PHF14: variants seen among roughly 807,000 people sequenced by gnomAD.
PHF14 encodes PHD finger protein 14.
A neutral mutation model predicts 117.9 loss-of-function variants in PHF14; 55 were observed. The ratio of observed to expected loss-of-function variants is 0.47; its 90% CI spans 0.38 to 0.58. The LOEUF (loss-of-function observed/expected upper bound fraction) is 0.58, where lower values mean the gene tolerates loss of function less well. Among genes scored for constraint, PHF14 ranks in the 20% least tolerant of loss-of-function variants. The pLI, the probability that PHF14 is intolerant of heterozygous loss-of-function variation, is 0.00. For missense variants in PHF14, 978 were observed against 1,122.2 expected (o/e 0.87, Z 1.84); for synonymous variants, 409 against 368.6 (o/e 1.11, Z -1.26).
chr7:10,985,638 G>GTTTTTTTTTTTTTT (rs61250143), intron 3 of PHF14, among the ~76,000 whole-genome samples: 3 of 45,962 alleles, frequency 6.5e-5, no homozygotes, highest in East Asian at 1.5e-3. Flanking sequence ...TTCTCAAACT[G>GTTTTTTTTTTTTTT]TTTTTTTTTT....
intron 16 of PHF14, among the ~76,000 whole-genome samples, chr7:11,100,671 A>G (rs1390728640): frequency 6.6e-6 from 1 of 151,898 alleles, no homozygotes; most frequent in Non-Finnish European, 1.5e-5. Flanking sequence ...ATCTCATTTA[A>G]TCCTCATAAC....
intron 5 of PHF14, among the ~76,000 whole-genome samples, chr7:11,015,882 A>G (rs1783518169): frequency 6.6e-6 from 1 of 151,102 alleles, no homozygotes; most frequent in African/African-American, 2.4e-5. Context: ...TTGGTGATAA[A>G]TTGTGGTGAA....
At chr7:11,005,587 C>G (rs989043772) in intron 4 of PHF14, among the ~76,000 whole-genome samples, 13 of 152,160 alleles carry the variant, frequency 8.5e-5, no homozygotes, top group African/African-American at 3.1e-4. Flanking sequence ...CTTTGTTTCA[C>G]TCATCTGTTA....
At chr7:11,015,706 T>C (rs1219763852) in intron 5 of PHF14, among the ~76,000 whole-genome samples, 1 of 152,084 alleles carries the variant, frequency 6.6e-6, no homozygotes, top group African/African-American at 2.4e-5. Context: ...TAATAAGTGG[T>C]CAGTAAATGT....
chr7:10,978,110 A>G lies in PHF14; in HGVS notation c.112+3165A>G, dbSNP rs559537293. ...AGTTAGGCCATATTGCCAGGAAATA[A>G]TTTAATGAGAAGTGTCAGCCTGAGA... On this transcript the variant is annotated intron_variant, in intron 2 of 17. Transcript: ENST00000634607. 5.9e-5 allele frequency among the ~76,000 whole-genome samples: 9 copies of G among 152,304 alleles called. No homozygotes were observed. In the South Asian group the frequency reaches 1.4e-3, roughly 25 times the overall value.
At chr7:11,161,784 T>C (rs1212657521) in intron 17 of PHF14, among the ~76,000 whole-genome samples, 2 of 149,170 alleles carry the variant, frequency 1.3e-5, no homozygotes, top group Admixed American at 6.7e-5. Context: ...TTAGATATTA[T>C]TTTTGCCTAA....
intron 1 of PHF14, among the ~76,000 whole-genome samples, 176 bp downstream of exon 1, chr7:10,974,500 G>T (rs1583318175): frequency 6.6e-6 from 1 of 152,168 alleles, no homozygotes; most frequent in African/African-American, 2.4e-5. Flanking sequence ...GATTTTTGCC[G>T]TTTTTATTGA....
intron 1 of PHF14, among the ~76,000 whole-genome samples, 167 bp downstream of exon 1, chr7:10,974,491 A>G (rs1485566924): frequency 6.6e-6 from 1 of 152,048 alleles, no homozygotes; most frequent in Non-Finnish European, 1.5e-5. Context: ...TTATTCCCTG[A>G]TTTTTGCCGT....
chr7:11,078,911 T>C (rs1157421143), intron 16 of PHF14, among the ~76,000 whole-genome samples: 1 of 152,162 alleles, frequency 6.6e-6, no homozygotes, highest in Non-Finnish European at 1.5e-5. Context: ...AATATGTAGA[T>C]TAATATGAAT....
At chr7:11,103,938 A>T in intron 16 of PHF14, 1 of 982,740 alleles carries the variant, frequency 1.0e-6, no homozygotes, top group Non-Finnish European at 1.2e-6. Context: ...AGAATAAGAT[A>T]GGACTAGTTG....
intron 17 of PHF14, among the ~76,000 whole-genome samples, chr7:11,138,263 G>T (rs372587045): frequency 6.6e-6 from 1 of 151,566 alleles, no homozygotes; most frequent in African/African-American, 2.4e-5. Context: ...GGATGGTCTC[G>T]ATCTCCTGAC....
intron 7 of PHF14, among the ~76,000 whole-genome samples, chr7:11,029,768 G>A (rs1367410281): frequency 2.0e-5 from 3 of 152,010 alleles, no homozygotes; most frequent in Admixed American, 6.6e-5. Flanking sequence ...CATTCCTTAA[G>A]CTTACATAGT....
intron 17 of PHF14, among the ~76,000 whole-genome samples, chr7:11,148,261 T>G (rs1193231997): frequency 6.6e-6 from 1 of 152,206 alleles, no homozygotes; most frequent in Non-Finnish European, 1.5e-5. Flanking sequence ...AACCCTCCAG[T>G]GGCTTCTCAC....
intron 16 of PHF14, among the ~76,000 whole-genome samples, chr7:11,069,103 C>T (rs1261819889): frequency 1.3e-5 from 2 of 152,070 alleles, no homozygotes; most frequent in African/African-American, 4.8e-5. Context: ...CTGGTAGCAT[C>T]AGGAAGAAGC....
intron 17 of PHF14, among the ~76,000 whole-genome samples, chr7:11,114,792 C>T (rs1281786233): frequency 6.6e-6 from 1 of 152,032 alleles, no homozygotes; most frequent in African/African-American, 2.4e-5. Context: ...CACTCATACA[C>T]AAAACATACC....
intron 17 of PHF14, among the ~76,000 whole-genome samples, chr7:11,153,527 A>G (rs1788759002): frequency 6.6e-6 from 1 of 152,086 alleles, no homozygotes; most frequent in Admixed American, 6.6e-5. Context: ...TATAGATGTG[A>G]GGGCTGAAGA....
At chr7:11,053,323 T>A (rs891332445) in intron 14 of PHF14, among the ~76,000 whole-genome samples, 1 of 152,132 alleles carries the variant, frequency 6.6e-6, no homozygotes, top group Non-Finnish European at 1.5e-5. Flanking sequence ...ATCTCTTAGA[T>A]AATTGAAACA....
intron 7 of PHF14, among the ~76,000 whole-genome samples, chr7:11,033,273 TC>T (rs1216751999): frequency 6.6e-6 from 1 of 152,180 alleles, no homozygotes; most frequent in Non-Finnish European, 1.5e-5. Context: ...AATATACAAT[TC>T]CAGGCGGATT....
At chr7:11,020,504 A>C (rs914114045) in intron 5 of PHF14, among the ~76,000 whole-genome samples, 12 of 151,984 alleles carry the variant, frequency 7.9e-5, no homozygotes, top group Admixed American at 7.9e-4. Context: ...TCAGCCTCCC[A>C]AGTAGCTGGG....
Sources: allele counts gnomAD v4.1 joint callset (sites outside exome capture counted in the v4.1 genomes callset), GRCh38; gene constraint gnomAD v4.1.1; transcripts MANE v1.5; gene names NCBI Gene and HGNC (gene_info 2026-07-23, HGNC 2026-07-21).